The following OPRL1 variants were observed in gnomAD, a reference collection of about 807,000 sequenced individuals.
OPRL1 encodes the protein opioid related nociceptin receptor 1, also known as nociceptin receptor.
A neutral mutation model predicts 15.5 loss-of-function variants in OPRL1; 5 were observed. The observed-to-expected ratio is 0.32, with a 90% CI of 0.17 to 0.68. The LOEUF is 0.68. Among genes scored for constraint, OPRL1 ranks in the 30% least tolerant of loss-of-function variants. The pLI, the probability that OPRL1 is intolerant of heterozygous loss-of-function variation, is 0.72. For synonymous variants in OPRL1, 223 were observed against 230.2 expected (o/e 0.97, Z 0.28); for missense variants, 406 against 515.3 (o/e 0.79, Z 2.05).
rs940321187 is a variant in OPRL1 at position 64,098,295 on chromosome 20, G to T, written c.609G>T (p.Glu203Asp). Residue 203 changes from glutamate to aspartate, a missense_variant, in exon 5 of 5, where the codon GAG (glutamate) becomes GAT (aspartate). Coordinates refer to ENST00000336866, the MANE Select transcript of OPRL1 (RefSeq NM_182647.4). ...CTGCAGAGATCGAGTGCCTGGTGGAGATCCCTACCCCTCAGGATTACTGGG... is the reference window on the plus strand; with the variant it reads ...CTGCAGAGATCGAGTGCCTGGTGGATATCCCTACCCCTCAGGATTACTGGG... ...VEDEEIECLV[E>D]IPTPQDYWGP... 2 of 1,613,830 alleles carry T rather than the reference G, an allele frequency of 1.2e-6. No homozygotes were observed. Among genetic ancestry groups the T allele is most frequent in the South Asian group, 1.1e-5 (1 of 91,076 alleles).
Position 64,093,020 on chromosome 20 carries a change from G to T in OPRL1, c.233+67G>T. 4 of 1,428,148 alleles carry T rather than the reference G, an allele frequency of 2.8e-6. No individual in the cohort carries two copies. The East Asian group carries it at 9.3e-5, about 33-fold the overall frequency. 88.5% of individuals were successfully genotyped at this position (1,428,148 alleles called of 1,614,324 possible). On this transcript the variant is annotated intron_variant, in intron 3 of 4. Transcript: ENST00000336866. ...GGCTGCAGAGGGGGAAACTGAGACG[G>T]GGTCTGTTCTGGATGGGCCTGAGCA... is the stretch of plus-strand genomic sequence containing the variant.
chr20:64,088,281 A>G (rs2060071588), intron 1 of OPRL1, among the ~76,000 whole-genome samples: 1 of 152,066 alleles, frequency 6.6e-6, no homozygotes, highest in African/African-American at 2.4e-5. Flanking sequence ...ATGGGCCAGG[A>G]TCTGTGCATT....
Position 64,098,790 on chromosome 20 carries a change from G to T in OPRL1, c.1104G>T (p.Arg368=). ...LACKTSETVP[R]PA is the part of the protein sequence containing the mutation. ...GCAAGACCTCTGAGACGGTACCGCG[G>T]CCCGCATGACTAGGCGTGGACCTGC... The change falls in exon 5 of 5, where the codon CGG becomes CGT. Residue 368 remains arginine (R), a synonymous_variant. Coordinates refer to ENST00000336866, the MANE Select transcript of OPRL1 (RefSeq NM_182647.4). 1 of 1,594,182 alleles carries T rather than the reference G, an allele frequency of 6.3e-7. No homozygotes were observed.
chr20:64,083,325 C>T lies in OPRL1; in HGVS notation c.-185+2973C>T. 6.6e-7 allele frequency: 1 copy of T among 1,519,890 alleles called. No homozygotes were observed. The highest frequency in any genetic ancestry group is 9.0e-7 in the Non-Finnish European group (1 of 1,112,988). The allele number at this position is 1,519,890 out of a possible 1,614,324, so 94.2% of individuals were successfully genotyped here. ...GCATGGGAGAGGCAGCGTCCATACT[C>T]CCCGCTTCCCTCGGGGTCCTGGGGA... is the stretch of plus-strand genomic sequence containing the variant. On this transcript the variant is annotated intron_variant, in intron 1 of 4. Transcript: ENST00000336866. The surrounding 1 kb of genome is among the most constrained non-coding windows in gnomAD (Gnocchi z 4.9).
At chr20:64,086,295 T>C (rs2060050074) in intron 1 of OPRL1, among the ~76,000 whole-genome samples, 1 of 152,240 alleles carries the variant, frequency 6.6e-6, no homozygotes, top group Admixed American at 6.5e-5. Context: ...GCTTGTAACC[T>C]CTTTTTATAG....
chr20:64,098,744 C>G lies in OPRL1; in HGVS notation c.1058C>G (p.Ala353Gly), dbSNP rs770154005. The G allele has an allele frequency of 6.2e-7, 1 of 1,609,916 alleles. No individual in the cohort carries two copies. The highest frequency in any genetic ancestry group is 1.1e-5 in the South Asian group (1 of 91,068). ...VQVSDRVRSI[A>G]KDVALACKTS... is the part of the protein sequence containing the mutation. ...GTGTCTGACCGCGTGCGCAGCATTG[C>G]CAAGGACGTGGCCCTGGCCTGCAAG... Residue 353 changes from alanine to glycine, a missense_variant, in exon 5 of 5, where the codon GCC (alanine) becomes GGC (glycine). Coordinates refer to ENST00000336866, the MANE Select transcript of OPRL1 (RefSeq NM_182647.4).
Position 64,083,503 on chromosome 20 carries a change from G to A in OPRL1, c.-185+3151G>A, listed in dbSNP as rs776347770. On this transcript the variant is annotated intron_variant, in intron 1 of 4. Coordinates refer to ENST00000336866, the MANE Select transcript of OPRL1 (RefSeq NM_182647.4). The surrounding 1 kb of genome is among the most constrained non-coding windows in gnomAD (Gnocchi z 4.9). Reference sequence around the variant, plus strand: ...GTCTCCACGCGCCTCCGCTGCCGGGGAGAGAGGCTGGGGTCCGGCGTGTGC... The same window carrying A: ...GTCTCCACGCGCCTCCGCTGCCGGGAAGAGAGGCTGGGGTCCGGCGTGTGC... The A allele has an allele frequency of 3.5e-5, 56 of 1,585,894 alleles. No homozygotes were observed. The highest frequency in any genetic ancestry group is 4.8e-5 in the Non-Finnish European group (56 of 1,167,482).
chr20:64,083,320 A>C lies in OPRL1; in HGVS notation c.-185+2968A>C. On this transcript the variant is annotated intron_variant, in intron 1 of 4. Coordinates refer to ENST00000336866, the MANE Select transcript of OPRL1 (RefSeq NM_182647.4). The surrounding 1 kb of genome is among the most constrained non-coding windows in gnomAD (Gnocchi z 4.9). ...GAGGTGCATGGGAGAGGCAGCGTCC[A>C]TACTCCCCGCTTCCCTCGGGGTCCT... The C allele has an allele frequency of 6.8e-7, 1 of 1,479,260 alleles. No homozygotes were observed. The highest frequency in any genetic ancestry group is 9.3e-7 in the Non-Finnish European group (1 of 1,078,744). 91.6% of individuals were successfully genotyped at this position (1,479,260 alleles called of 1,614,324 possible).
At position 64,090,654 on chromosome 20, in the gene OPRL1, C is replaced by G. The variant is rs1051433998; in HGVS notation, c.-184-1312C>G. On this transcript the variant is annotated intron_variant, in intron 1 of 4. Transcript: ENST00000336866. This position sits in a 1 kb window ranked among gnomAD's most constrained non-coding sequence, Gnocchi z 4.9. ...CTCAGTGGATCAGGCATGGGACCCC[C>G]GTGCTGAGAAGGAGGCAACTCTGAA... 2.0e-5 allele frequency among the ~76,000 whole-genome samples: 3 copies of G among 152,180 alleles called. No homozygotes were observed. Among genetic ancestry groups the G allele is most frequent in the Non-Finnish European group, 2.9e-5 (2 of 68,026 alleles).
chr20:64,092,599 T>G, intron 2 of OPRL1, 89 bp from the exon 3 acceptor site: 1 of 980,894 alleles, frequency 1.0e-6, no homozygotes, highest in Non-Finnish European at 1.5e-6. Context: ...GGGGTCCATG[T>G]GCCTGCTGGG....
At chr20:64,081,827 C>T (rs1301937929) in intron 1 of OPRL1, among the ~76,000 whole-genome samples, 1 of 152,204 alleles carries the variant, frequency 6.6e-6, no homozygotes, top group Non-Finnish European at 1.5e-5. Context: ...CGGCCTGACC[C>T]TGGTGCAGTC....
At position 64,097,749 on chromosome 20, in the gene OPRL1, C is replaced by T. The variant is rs1040999862; in HGVS notation, c.234-53C>T. ...AGAGGAGCCCCTTGCCCTTTGCTGC[C>T]TGGTCCAGCCAGCATGGCCAAGTGA... is the stretch of plus-strand genomic sequence containing the variant. On this transcript the variant is annotated intron_variant, in intron 3 of 4. Coordinates refer to ENST00000336866, the MANE Select transcript of OPRL1 (RefSeq NM_182647.4). The surrounding 1 kb of genome is among the most constrained non-coding windows in gnomAD (Gnocchi z 4.2). 2.0e-6 allele frequency: 3 copies of T among 1,529,780 alleles called. No homozygotes were observed. Among genetic ancestry groups the T allele is most frequent in the Non-Finnish European group, 1.8e-6 (2 of 1,116,038 alleles). 94.8% of individuals were successfully genotyped at this position (1,529,780 alleles called of 1,614,324 possible).
At chr20:64,082,049 G>C (rs1601622467) in intron 1 of OPRL1, among the ~76,000 whole-genome samples, 1 of 152,182 alleles carries the variant, frequency 6.6e-6, no homozygotes, top group African/African-American at 2.4e-5. Flanking sequence ...CCCAGTAGAT[G>C]AACTCATTCT....
At chr20:64,081,934 C>T (rs932202801) in intron 1 of OPRL1, among the ~76,000 whole-genome samples, 1 of 152,188 alleles carries the variant, frequency 6.6e-6, no homozygotes, top group Non-Finnish European at 1.5e-5. Flanking sequence ...CAGAGTGACC[C>T]ATCCCCTTTG....
chr20:64,083,561 C>T lies in OPRL1; in HGVS notation c.-185+3209C>T. 1 of 1,530,542 alleles carries T rather than the reference C, an allele frequency of 6.5e-7. No homozygotes were observed. Among genetic ancestry groups the T allele is most frequent in the Non-Finnish European group, 8.8e-7 (1 of 1,138,462 alleles). 94.8% of individuals were successfully genotyped at this position (1,530,542 alleles called of 1,614,324 possible). A position where few individuals can be genotyped will look rare whatever the true frequency, so the allele number is the denominator to read the frequency against. The stretch of plus-strand genomic sequence containing the variant: ...GGCAGGGCCCCTCCCCTTTCCCCGC[C>T]CCTACCGGGGCTTGTCTGCACCTCT... On this transcript the variant is annotated intron_variant, in intron 1 of 4. Transcript: ENST00000336866. This position sits in a 1 kb window ranked among gnomAD's most constrained non-coding sequence, Gnocchi z 4.9.
chr20:64,082,246 C>T (rs908844367), intron 1 of OPRL1, among the ~76,000 whole-genome samples: 2 of 152,184 alleles, frequency 1.3e-5, no homozygotes, highest in Admixed American at 1.3e-4. Context: ...TTCTCCCTGG[C>T]CTCCTTCCTC....
intron 1 of OPRL1, chr20:64,084,012 C>G: frequency 1.3e-6 from 2 of 1,502,972 alleles, no homozygotes; most frequent in Non-Finnish European, 1.8e-6. Flanking sequence ...CCCACGTCCT[C>G]CAGCAGGTCG....
At chr20:64,095,763 C>A (rs1293962827) in intron 3 of OPRL1, among the ~76,000 whole-genome samples, 1 of 151,874 alleles carries the variant, frequency 6.6e-6, no homozygotes, top group Non-Finnish European at 1.5e-5. Flanking sequence ...CTCAAAGGGC[C>A]CCAACCGGAG....
Position 64,083,558 on chromosome 20 carries a change from C to T in OPRL1, c.-185+3206C>T, listed in dbSNP as rs1293149336. The T allele has an allele frequency of 3.9e-6, 6 of 1,531,022 alleles. No homozygotes were observed. Among genetic ancestry groups the T allele is most frequent in the Admixed American group, 2.1e-5 (1 of 47,952 alleles). The allele number at this position is 1,531,022 out of a possible 1,614,324, so 94.8% of individuals were successfully genotyped here. On this transcript the variant is annotated intron_variant, in intron 1 of 4. Coordinates refer to ENST00000336866, the MANE Select transcript of OPRL1 (RefSeq NM_182647.4). This position sits in a 1 kb window ranked among gnomAD's most constrained non-coding sequence, Gnocchi z 4.9. ...GCGGGCAGGGCCCCTCCCCTTTCCC[C>T]GCCCCTACCGGGGCTTGTCTGCACC...
Sources: allele counts gnomAD v4.1 joint callset (sites outside exome capture counted in the v4.1 genomes callset), GRCh38; gene constraint gnomAD v4.1.1; non-coding constraint Gnocchi (gnomAD v3.1); transcripts MANE v1.5; gene names NCBI Gene and HGNC (gene_info 2026-07-23, HGNC 2026-07-21).